AFG2A: variants seen among roughly 807,000 people sequenced by gnomAD.
AFG2A encodes AAA ATPase AFG2A, also known as ATPase family gene 2 protein homolog A.
chr4:122,988,424 G>C, the AFG2A span, among the ~76,000 whole-genome samples: 1 of 135,916 alleles, frequency 7.4e-6, no homozygotes, highest in African/African-American at 2.8e-5. Context: ...TTTTGAGACA[G>C]AATCTCACTC....
At chr4:123,095,643 CTG>C in the AFG2A span, among the ~76,000 whole-genome samples, 1 of 151,616 alleles carries the variant, frequency 6.6e-6, no homozygotes, top group African/African-American at 2.4e-5. Flanking sequence ...CTGGAAGAAA[CTG>C]TAGTAGGAAT....
At chr4:123,240,687 T>G in the AFG2A span, among the ~76,000 whole-genome samples, 1 of 152,006 alleles carries the variant, frequency 6.6e-6, no homozygotes, top group Non-Finnish European at 1.5e-5. Context: ...GCAGGAAAGA[T>G]CTAAAATTGA....
the AFG2A span, among the ~76,000 whole-genome samples, chr4:122,944,252 C>T: frequency 1.3e-5 from 2 of 152,050 alleles, no homozygotes; most frequent in Admixed American, 6.5e-5. Flanking sequence ...GTTCCATTCT[C>T]CCCGTCACTT....
chr4:123,061,321 G>C, the AFG2A span, among the ~76,000 whole-genome samples: 2 of 152,142 alleles, frequency 1.3e-5, no homozygotes, highest in Non-Finnish European at 2.9e-5. Flanking sequence ...CCAGTTTACT[G>C]GATTAGTCCA....
At chr4:123,173,339 GGTTTTTT>G in the AFG2A span, among the ~76,000 whole-genome samples, 13 of 104,460 alleles carry the variant, frequency 1.2e-4, no homozygotes, top group African/African-American at 4.3e-4. Context: ...TAAGTCCAAT[GGTTTTTT>G]TTTTTTTTTT....
chr4:122,923,410 G>A, the AFG2A span: 1 of 1,469,902 alleles, frequency 6.8e-7, no homozygotes, highest in Non-Finnish European at 9.3e-7. Flanking sequence ...AAAGTTGGGC[G>A]TGGCATGGGT....
chr4:123,276,615 G>T, the AFG2A span, among the ~76,000 whole-genome samples: 1 of 152,054 alleles, frequency 6.6e-6, no homozygotes, highest in Non-Finnish European at 1.5e-5. Flanking sequence ...ATAGGTTTAG[G>T]TTTTACATTT....
the AFG2A span, chr4:122,923,091 C>T: frequency 2.5e-6 from 4 of 1,606,840 alleles, no homozygotes; most frequent in Admixed American, 1.7e-5. Flanking sequence ...TCAGTTGAAG[C>T]GCGCACATTG....
chr4:123,011,541 C>T, the AFG2A span, among the ~76,000 whole-genome samples: 24,714 of 152,102 alleles, frequency 0.16, 2,444 homozygotes, highest in East Asian at 0.45. Flanking sequence ...AATGCCTGGA[C>T]GTCAGGCACC....
chr4:123,283,595 G>T, the AFG2A span, among the ~76,000 whole-genome samples: 4 of 152,138 alleles, frequency 2.6e-5, no homozygotes, highest in Admixed American at 1.3e-4. Context: ...TACAGTTTGA[G>T]GATTAAATAT....
At chr4:123,311,936 C>T in the AFG2A span, among the ~76,000 whole-genome samples, 9 of 152,166 alleles carry the variant, frequency 5.9e-5, no homozygotes, top group African/African-American at 7.2e-5. Context: ...CGGGGCAAAC[C>T]GCCCATCTCG....
chr4:123,032,833 A>G, the AFG2A span, among the ~76,000 whole-genome samples: 9 of 152,358 alleles, frequency 5.9e-5, no homozygotes, highest in African/African-American at 1.9e-4. Flanking sequence ...TACACAGCCA[A>G]CATTCTAGAA....
the AFG2A span, among the ~76,000 whole-genome samples, chr4:122,948,532 A>G: frequency 6.6e-6 from 1 of 152,070 alleles, no homozygotes; most frequent in East Asian, 1.9e-4. Flanking sequence ...TGTAAACTGG[A>G]GAATCACAAT....
chr4:123,040,203 CATT>C, the AFG2A span, among the ~76,000 whole-genome samples: 1 of 151,526 alleles, frequency 6.6e-6, no homozygotes, highest in Admixed American at 6.6e-5. Flanking sequence ...TTTTGTGTGT[CATT>C]AATTTTTTTT....
chr4:123,183,455 C>T, the AFG2A span, among the ~76,000 whole-genome samples: 215 of 152,082 alleles, frequency 1.4e-3, 2 homozygotes, highest in Non-Finnish European at 7.5e-4. Flanking sequence ...TAAAATAGAA[C>T]GTGAATAAAA....
chr4:122,923,816 G>A, the AFG2A span, among the ~76,000 whole-genome samples: 2 of 152,108 alleles, frequency 1.3e-5, no homozygotes, highest in African/African-American at 4.8e-5. Context: ...TACAGAAGCC[G>A]TGACCGATGG....
At chr4:123,258,307 A>C in the AFG2A span, among the ~76,000 whole-genome samples, 2 of 152,126 alleles carry the variant, frequency 1.3e-5, no homozygotes, top group African/African-American at 2.4e-5. Flanking sequence ...TTTTAGGAAA[A>C]TTATTATTTC....
At chr4:123,151,538 T>C in the AFG2A span, among the ~76,000 whole-genome samples, 1 of 152,178 alleles carries the variant, frequency 6.6e-6, no homozygotes, top group Non-Finnish European at 1.5e-5. Flanking sequence ...AAAAAGGTCA[T>C]CACTGGTCAT....
chr4:123,038,366 A>G, the AFG2A span, among the ~76,000 whole-genome samples: 1 of 152,122 alleles, frequency 6.6e-6, no homozygotes, highest in African/African-American at 2.4e-5. Flanking sequence ...TCCATTTTTA[A>G]GAAATTGATG....
Sources: gnomAD v4.1 joint callset for allele counts (sites outside exome capture counted in the v4.1 genomes callset) on GRCh38, gnomAD v4.1.1 for gene constraint, MANE v1.5 for transcripts, NCBI Gene and HGNC (gene_info 2026-07-23, HGNC 2026-07-21) for gene names.